Variants in TPO observed in about 807,000 individuals in gnomAD.
The protein encoded by TPO is thyroid microsomal antigen.
A neutral mutation model predicts 96.9 loss-of-function variants in TPO; 78 were observed. The ratio of observed to expected loss-of-function variants is 0.81; its 90% CI spans 0.67 to 0.97. The LOEUF is 0.97. Among genes scored for constraint, TPO ranks in the 50% least tolerant of loss-of-function variants. TPO has a pLI of 0.00. For missense variants in TPO, 1,252 were observed against 1,274.8 expected (o/e 0.98, Z 0.27); for synonymous variants, 547 against 538.0 (o/e 1.02, Z -0.23).
At chr2:1,461,398 A>G (rs57810406) in intron 7 of TPO, among the ~76,000 whole-genome samples, 47,263 of 152,134 alleles carry the variant, frequency 0.31, 7,706 homozygotes, top group Admixed American at 0.35. Context: ...AGATTTTGTG[A>G]CCACACTTGC....
chr2:1,395,575 A>C (rs538623650), intron 1 of TPO, among the ~76,000 whole-genome samples: 1 of 152,182 alleles, frequency 6.6e-6, no homozygotes, highest in African/African-American at 2.4e-5. Context: ...TCTCCATGTG[A>C]AGTGGGTTTG....
Position 1,462,541 on chromosome 2 carries a change from C to CACACACACACACACAT in TPO, c.819+6260_819+6261insCACACACACACACATA, listed in dbSNP as rs58980999. On this transcript the variant is annotated intron_variant, in intron 7 of 16. Coordinates refer to ENST00000329066, the MANE Select transcript of TPO (RefSeq NM_001206744.2). ...AAACACACACACACACACACACACACAGATATCAATGAAAGATAAATGAAC... is the reference window on the plus strand; with the variant it reads ...AAACACACACACACACACACACACACACACACACACACACATAGATATCAATGAAAGATAAATGAAC... 8.3e-4 allele frequency among the ~76,000 whole-genome samples: 123 copies of CACACACACACACACAT among 148,010 alleles called. 10 individuals are homozygous for CACACACACACACACAT. The highest frequency in any genetic ancestry group is 2.6e-3 in the African/African-American group (102 of 39,368).
In TPO at chr2:1,453,805, C is replaced by T. The variant is rs375152400; in HGVS notation, c.594C>T (p.Asn198=). 5.0e-5 allele frequency: 81 copies of T among 1,613,672 alleles called. No individual in the cohort carries two copies. The highest frequency in any genetic ancestry group is 6.4e-5 in the Non-Finnish European group (75 of 1,180,042). ...GCTGGAACCCCGGCTTCTTGTACAACGGGTTCCCACTGCCCCCGGTGGGTA... is the reference window on the plus strand; with the variant it reads ...GCTGGAACCCCGGCTTCTTGTACAATGGGTTCCCACTGCCCCCGGTGGGTA... The part of the protein sequence containing the change: ...PRGWNPGFLY[N]GFPLPPVREV... The change falls in exon 6 of 17, where the codon AAC becomes AAT. Residue 198 remains asparagine, a synonymous_variant. Coordinates refer to ENST00000329066, the MANE Select transcript of TPO (RefSeq NM_001206744.2).
chr2:1,469,786 C>T (rs1484486920), intron 7 of TPO, among the ~76,000 whole-genome samples: 2 of 152,206 alleles, frequency 1.3e-5, no homozygotes, highest in East Asian at 1.9e-4. Context: ...CTCCCACTTC[C>T]TCAGTTTGGG....
At position 1,517,037 on chromosome 2, in the gene TPO, T is replaced by A. The variant is rs897084958; in HGVS notation, c.2618+55T>A. The A allele has an allele frequency of 8.9e-6, 14 of 1,564,980 alleles. No homozygotes were observed. The East Asian group carries it at 2.9e-4, about 33-fold the overall frequency. On this transcript the variant is annotated intron_variant, in intron 15 of 16. Coordinates refer to ENST00000329066, the MANE Select transcript of TPO (RefSeq NM_001206744.2). ...AGACACAAAGCAATCTCCTTTCCTC[T>A]GGACATGGCTGCAATGAAGCTGCTT...
At chr2:1,434,059 C>G (rs1488591339) in intron 4 of TPO, among the ~76,000 whole-genome samples, 4 of 152,124 alleles carry the variant, frequency 2.6e-5, no homozygotes, top group Non-Finnish European at 4.4e-5. Context: ...ATTTGAGAGC[C>G]AATTTACTCA....
intron 14 of TPO, among the ~76,000 whole-genome samples, chr2:1,506,441 T>A (rs938556886): frequency 6.6e-6 from 1 of 152,194 alleles, no homozygotes; most frequent in Non-Finnish European, 1.5e-5. Flanking sequence ...TAGTTCTAGA[T>A]CCCTGAGGAA....
At chr2:1,541,064 CTGATTTT>C (rs936441344) in intron 16 of TPO, 4 of 1,249,114 alleles carry the variant, frequency 3.2e-6, no homozygotes, top group Non-Finnish European at 4.1e-6. Flanking sequence ...CTTTTAAATT[CTGATTTT>C]TAAGTGGAAT....
intron 5 of TPO, among the ~76,000 whole-genome samples, chr2:1,438,412 G>A (rs1470452460): frequency 2.6e-5 from 4 of 152,120 alleles, no homozygotes; most frequent in African/African-American, 7.2e-5. Context: ...TTCACCAGAG[G>A]GGTCCGTGAT....
chr2:1,480,840 G>GCATCCGTCCACACCACCT (rs1670562022), intron 8 of TPO, among the ~76,000 whole-genome samples: 1 of 135,398 alleles, frequency 7.4e-6, no homozygotes, highest in Non-Finnish European at 1.7e-5. Flanking sequence ...TGCTGCGTCT[G>GCATCCGTCCACACCACCT]TCCTCACCAT....
At chr2:1,505,127 A>G (rs1326437204) in intron 14 of TPO, among the ~76,000 whole-genome samples, 1 of 152,186 alleles carries the variant, frequency 6.6e-6, no homozygotes, top group Non-Finnish European at 1.5e-5. Context: ...GTCTGAAAAG[A>G]GATGGCCAGG....
chr2:1,441,336 G>A (rs1371230619), intron 5 of TPO, among the ~76,000 whole-genome samples: 2 of 152,178 alleles, frequency 1.3e-5, no homozygotes, highest in Admixed American at 1.3e-4. Flanking sequence ...AGTTTGTTTT[G>A]CTTTACACTT....
chr2:1,514,030 T>C (rs923955155), intron 14 of TPO, among the ~76,000 whole-genome samples: 2 of 152,194 alleles, frequency 1.3e-5, no homozygotes, highest in Admixed American at 1.3e-4. Flanking sequence ...TGAAAGCATC[T>C]CTATTCTGCA....
chr2:1,420,558 G>A (rs950070530), intron 2 of TPO, among the ~76,000 whole-genome samples: 9 of 152,154 alleles, frequency 5.9e-5, no homozygotes, highest in Admixed American at 1.3e-4. Flanking sequence ...TAAATTGTGC[G>A]TTACCTCCAC....
At chr2:1,509,073 G>A (rs919588327) in intron 14 of TPO, among the ~76,000 whole-genome samples, 2 of 152,108 alleles carry the variant, frequency 1.3e-5, no homozygotes, top group Admixed American at 6.5e-5. Flanking sequence ...CCCAGAGATT[G>A]TGGTATGTTG....
At chr2:1,465,620 G>A (rs1341599798) in intron 7 of TPO, among the ~76,000 whole-genome samples, 1 of 151,896 alleles carries the variant, frequency 6.6e-6, no homozygotes, top group Admixed American at 6.6e-5. Flanking sequence ...TCATCTCCTT[G>A]GTTAGGTATA....
intron 6 of TPO, among the ~76,000 whole-genome samples, chr2:1,455,483 C>T (rs1177343058): frequency 2.0e-5 from 3 of 152,196 alleles, no homozygotes; most frequent in Non-Finnish European, 4.4e-5. Context: ...TAAGATCCAT[C>T]CAGGACAAAA....
rs1207225122 is a variant in TPO at position 1,537,144 on chromosome 2, C to A, written c.2619-3450C>A. ...CCCCTATGTGCAACCTCCGCAAATA[C>A]CCCCACTCTGTGCAAGTGCCCCCTA... is the stretch of plus-strand genomic sequence containing the variant. On this transcript the variant is annotated intron_variant, in intron 15 of 16. Transcript: ENST00000329066. 7.2e-5 allele frequency among the ~76,000 whole-genome samples: 8 copies of A among 110,542 alleles called. No homozygotes were observed. In the Admixed American group the frequency reaches 7.9e-4, roughly 11 times the overall value. 72.5% of individuals were successfully genotyped at this position (110,542 alleles called of 152,430 possible). A position where few individuals can be genotyped will look rare whatever the true frequency, so the allele number is the denominator to read the frequency against.
chr2:1,479,045 G>A (rs1412995136), intron 8 of TPO, among the ~76,000 whole-genome samples: 1 of 152,254 alleles, frequency 6.6e-6, no homozygotes, highest in Non-Finnish European at 1.5e-5. Context: ...ACTATGTGAA[G>A]TAAAAATCAT....
Sources: gnomAD v4.1 joint callset for allele counts (sites outside exome capture counted in the v4.1 genomes callset) on GRCh38, gnomAD v4.1.1 for gene constraint, MANE v1.5 for transcripts, NCBI Gene and HGNC (gene_info 2026-07-23, HGNC 2026-07-21) for gene names.